CYP2A13: variants seen among roughly 807,000 people sequenced by gnomAD.
CYP2A13 encodes the protein cytochrome P450 2A13.
In CYP2A13, 30 loss-of-function variants were observed where a neutral mutation model predicts 39.4. The ratio of observed to expected loss-of-function variants is 0.76; its 90% CI spans 0.57 to 1.03. CYP2A13 has a LOEUF of 1.03. Among genes scored for constraint, CYP2A13 ranks in the 50% least tolerant of loss-of-function variants. The probability of loss-of-function intolerance (pLI) is 0.00; values close to 1 mark genes in which losing one functional copy is unlikely to be tolerated. For synonymous variants in CYP2A13, 269 were observed against 254.7 expected, an observed-to-expected ratio of 1.06 and a Z score of -0.54; for missense variants, 731 against 648.4, an observed-to-expected ratio of 1.13 and a Z score of -1.38.
Position 41,096,037 on chromosome 19 carries a change from G to A in CYP2A13, c.*96G>A, listed in dbSNP as rs1165760371. 3 of 1,287,340 alleles carry A rather than the reference G, an allele frequency of 2.3e-6. No individual in the cohort carries two copies. The highest frequency in any genetic ancestry group is 1.3e-5 in the South Asian group (1 of 76,416). 79.7% of individuals were successfully genotyped at this position (1,287,340 alleles called of 1,614,324 possible). A position where few individuals can be genotyped will look rare whatever the true frequency, so the allele number is the denominator to read the frequency against. ...GGGAGGGGCGGGGCTAAGAATGGGG[G>A]CAGTGGGGGAAGGAAGGGGAGAGGT... On this transcript the variant is annotated 3_prime_UTR_variant, in exon 9 of 9. Transcript: ENST00000330436.
chr19:41,090,058 A>C lies in CYP2A13; in HGVS notation c.355A>C (p.Ser119Arg). 1.9e-6 allele frequency: 3 copies of C among 1,612,332 alleles called. No homozygotes were observed. Among genetic ancestry groups the C allele is most frequent in the Non-Finnish European group, 2.5e-6 (3 of 1,179,524 alleles). ...GTTCACCTCCCCAGGCGTGGCGTTC[A>C]GCAACGGGGAGCGCGCCAAGCAGCT... ...WLFKGYGVAF[S>R]NGERAKQLRR... Residue 119 changes from serine to arginine, a missense_variant, in exon 3 of 9, where the codon AGC becomes CGC. Ser to Arg is a moderately radical substitution (Grantham distance 110). Transcript: ENST00000330436.
chr19:41,089,023 T>A lies in CYP2A13; in HGVS notation c.275T>A (p.Val92Glu). ...CGHDAVKEAL[V>E]DQAEEFSGRG... ...CATGATGCCGTCAAGGAGGCTCTGG[T>A]GGACCAGGCTGAGGAGTTCAGCGGG... Residue 92 changes from valine (V) to glutamate (E), a missense_variant, in exon 2 of 9, where the codon GTG becomes GAG. Physicochemically the swap from Val to Glu is moderately radical, Grantham distance 121. Coordinates refer to ENST00000330436, the MANE Select transcript of CYP2A13 (RefSeq NM_000766.5). The A allele has an allele frequency of 6.2e-7, 1 of 1,613,684 alleles. No homozygotes were observed. Among genetic ancestry groups the A allele is most frequent in the African/African-American group, 1.3e-5 (1 of 75,000 alleles).
intron 4 of CYP2A13, among the ~76,000 whole-genome samples, chr19:41,090,829 C>G (rs2031173816): frequency 6.6e-6 from 1 of 152,198 alleles, no homozygotes. Context: ...AGCTCTCTCA[C>G]CTGGGCACAT....
At chr19:41,092,661 G>A (rs964812500) in intron 5 of CYP2A13, among the ~76,000 whole-genome samples, 8 of 152,176 alleles carry the variant, frequency 5.3e-5, no homozygotes, top group East Asian at 1.9e-4. Context: ...TAAAGCTGGT[G>A]CTTTTAGCCA....
intron 8 of CYP2A13, 125 bp from the exon 9 acceptor site, chr19:41,095,635 C>A (rs1188853573): frequency 7.7e-6 from 10 of 1,295,888 alleles, no homozygotes; most frequent in Non-Finnish European, 1.1e-5. Context: ...GGAGTCTCCT[C>A]TGAAAGTCTC....
chr19:41,094,099 GC>G (rs1428278984), intron 6 of CYP2A13, 145 bp from the exon 7 acceptor site: 2 of 1,340,942 alleles, frequency 1.5e-6, no homozygotes, highest in Admixed American at 5.6e-5. Context: ...CTGCAACAAT[GC>G]GAATGGCTGA....
rs779523596 is a variant in CYP2A13, at chr19:41,094,322, T to C, written c.1051T>C (p.Tyr351His). The change falls in exon 7 of 9, where the codon TAC (tyrosine) becomes CAC (histidine). Residue 351 changes from tyrosine (Y) to histidine (H), a missense_variant. Tyr to His is a moderately conservative substitution (Grantham distance 83). Coordinates refer to ENST00000330436, the MANE Select transcript of CYP2A13 (RefSeq NM_000766.5). Reference sequence around the variant, plus strand: ...GTTTGAGGACCGGGCCAAGATGCCCTACACAGAGGCAGTGATCCACGAGAT... The same window carrying C: ...GTTTGAGGACCGGGCCAAGATGCCCCACACAGAGGCAGTGATCCACGAGAT... Reference protein sequence around the residue: ...PKFEDRAKMPYTEAVIHEIQR... With the variant: ...PKFEDRAKMPHTEAVIHEIQR... 6.4e-5 allele frequency: 104 copies of C among 1,614,006 alleles called. 3 individuals carry two copies. The South Asian group carries it at 8.0e-4, about 12-fold the overall frequency.
At position 41,088,612 on chromosome 19, in the gene CYP2A13, G is replaced by C. The variant is rs2031092708; in HGVS notation, c.141G>C (p.Leu47=). 1.2e-6 allele frequency: 2 copies of C among 1,614,028 alleles called. No homozygotes were observed. The highest frequency in any genetic ancestry group is 1.3e-5 in the African/African-American group (1 of 75,054). ...PTPLPFIGNY[L]QLNTEQMYNS... is the part of the protein sequence containing the mutation. ...CATTGCCCTTCATTGGAAACTACCT[G>C]CAGCTGAACACAGAGCAGATGTACA... Residue 47 remains leucine, a synonymous_variant, in exon 1 of 9, where the codon CTG becomes CTC. Coordinates refer to ENST00000330436, the MANE Select transcript of CYP2A13 (RefSeq NM_000766.5).
chr19:41,093,655 T>C lies in CYP2A13; in HGVS notation c.857T>C (p.Phe286Ser), dbSNP rs1461533347. 6.2e-7 allele frequency: 1 copy of C among 1,614,008 alleles called. No homozygotes were observed. Among genetic ancestry groups the C allele is most frequent in the Admixed American group, 1.7e-5 (1 of 60,000 alleles). ...GAGGAGAAGAACCCCAACACAGAGT[T>C]CTACTTGAAGAACCTGGTGATGACC... ...QEEEKNPNTE[F>S]YLKNLVMTTL... Residue 286 changes from phenylalanine to serine, a missense_variant, in exon 6 of 9, where the codon TTC becomes TCC. Physicochemically the swap from Phe to Ser is radical, Grantham distance 155 (BLOSUM62 -2). Coordinates refer to ENST00000330436, the MANE Select transcript of CYP2A13 (RefSeq NM_000766.5).
chr19:41,090,879 C>T (rs140728401), intron 4 of CYP2A13, among the ~76,000 whole-genome samples: 1,670 of 152,306 alleles, frequency 0.011, 19 homozygotes, highest in Middle Eastern at 0.058. Flanking sequence ...AACAGGTGCT[C>T]CCTACCCAGT....
intron 2 of CYP2A13, among the ~76,000 whole-genome samples, 156 bp from the exon 3 acceptor site, chr19:41,089,891 G>A (rs1236460808): frequency 3.1e-5 from 4 of 127,764 alleles, no homozygotes; most frequent in African/African-American, 1.2e-4. Flanking sequence ...GTGTTTCTCT[G>A]ACTGAGTTTG....
In CYP2A13 at chr19:41,091,594, C is replaced by T. The variant is rs1199746109; in HGVS notation, c.655-138C>T. 4.5e-6 allele frequency: 6 copies of T among 1,331,604 alleles called. No homozygotes were observed. In the African/African-American group the frequency reaches 7.4e-5, roughly 16 times the overall value. The allele number at this position is 1,331,604 out of a possible 1,614,324, so 82.5% of individuals were successfully genotyped here. ...AACTTAGATATAAGTTTCCATCCAA[C>T]CCCACTGAAATACCTAAACACCTGG... On this transcript the variant is annotated intron_variant, in intron 4 of 8. Coordinates refer to ENST00000330436, the MANE Select transcript of CYP2A13 (RefSeq NM_000766.5).
At position 41,094,235 on chromosome 19, in the gene CYP2A13, C is replaced by T. The variant is rs745384204; in HGVS notation, c.974-10C>T. On this transcript the variant is annotated splice_polypyrimidine_tract_variant and intron_variant, in intron 6 of 8. Transcript: ENST00000330436. ...CCTAGACACCTAAACACATTCCCCT[C>T]CTCCCCCAGCCAAGGTCCATGAGGA... 1.9e-6 allele frequency: 3 copies of T among 1,613,570 alleles called. No homozygotes were observed. The highest frequency in any genetic ancestry group is 2.5e-6 in the Non-Finnish European group (3 of 1,179,642).
chr19:41,093,389 C>A (rs540695933), intron 5 of CYP2A13, among the ~76,000 whole-genome samples: 1 of 151,528 alleles, frequency 6.6e-6, no homozygotes, highest in South Asian at 2.1e-4. Context: ...AACCAACTGA[C>A]AGCTAAGTTG....
chr19:41,090,981 T>C (rs769873772), intron 4 of CYP2A13, among the ~76,000 whole-genome samples: 1 of 152,096 alleles, frequency 6.6e-6, no homozygotes, highest in Non-Finnish European at 1.5e-5. Context: ...CAGCCCATCA[T>C]AATCATTTCA....
Position 41,089,018 on chromosome 19 carries a change from T to G in CYP2A13, c.270T>G (p.Ala90=). ...GCGGACATGATGCCGTCAAGGAGGC[T>G]CTGGTGGACCAGGCTGAGGAGTTCA... The part of the protein sequence containing the change: ...VLCGHDAVKE[A]LVDQAEEFSG... The change falls in exon 2 of 9, where the codon GCT becomes GCG. Residue 90 remains alanine (A), a synonymous_variant. Coordinates refer to ENST00000330436, the MANE Select transcript of CYP2A13 (RefSeq NM_000766.5). 3 of 1,613,718 alleles carry G rather than the reference T, an allele frequency of 1.9e-6. No individual in the cohort carries two copies. Among genetic ancestry groups the G allele is most frequent in the Non-Finnish European group, 2.5e-6 (3 of 1,179,832 alleles).
At position 41,095,776 on chromosome 19, in the gene CYP2A13, T is replaced by G. The variant is rs529919256; in HGVS notation, c.1320T>G (p.Phe440Leu). The change falls in exon 9 of 9, where the codon TTT becomes TTG. Residue 440 changes from phenylalanine (F) to leucine (L), a missense_variant. Phe to Leu is a conservative substitution (Grantham distance 22). Coordinates refer to ENST00000330436, the MANE Select transcript of CYP2A13 (RefSeq NM_000766.5). Reference sequence around the variant, plus strand: ...CCTCCTCAGGAAAGCGGTACTGTTTTGGAGAAGGCCTGGCCAGAATGGAGC... The same window carrying G: ...CCTCCTCAGGAAAGCGGTACTGTTTGGGAGAAGGCCTGGCCAGAATGGAGC... ...VPFSIGKRYCFGEGLARMELF... is the reference protein window; with the variant it reads ...VPFSIGKRYCLGEGLARMELF... 7.4e-6 allele frequency: 12 copies of G among 1,613,782 alleles called. No homozygotes were observed. The highest frequency in any genetic ancestry group is 1.0e-5 in the Non-Finnish European group (12 of 1,179,802).
intron 2 of CYP2A13, among the ~76,000 whole-genome samples, chr19:41,089,841 T>TG (rs1568366672): frequency 3.9e-5 from 5 of 129,506 alleles, no homozygotes; most frequent in Non-Finnish European, 6.7e-5. Flanking sequence ...TCTCTCTCTC[T>TG]CTCTCTCTCT....
rs1219974717 is a variant in CYP2A13 at position 41,090,271 on chromosome 19, G to C, written c.493+75G>C. The C allele has an allele frequency of 1.1e-5, 17 of 1,557,564 alleles. No homozygotes were observed. In the South Asian group the frequency reaches 1.2e-4, roughly 11 times the overall value. On this transcript the variant is annotated intron_variant, in intron 3 of 8. Transcript: ENST00000330436. ...GGGGATGGGGACTAGGTGGGGAAAG[G>C]GGCCCGCACTTCCAGCCCTGGAGTC...
Sources: gnomAD v4.1 joint callset for allele counts (sites outside exome capture counted in the v4.1 genomes callset) on GRCh38, gnomAD v4.1.1 for gene constraint, MANE v1.5 for transcripts, NCBI Gene and HGNC (gene_info 2026-07-23, HGNC 2026-07-21) for gene names.